The following SEMA3A variants were observed in gnomAD, a reference collection of about 807,000 sequenced individuals.
SEMA3A encodes semaphorin 3A.
A neutral mutation model predicts 97.9 loss-of-function variants in SEMA3A; 29 were observed. The ratio of observed to expected loss-of-function variants is 0.30; its 90% CI spans 0.22 to 0.40. The LOEUF is 0.40. Among genes scored for constraint, SEMA3A ranks in the 10% least tolerant of loss-of-function variants. SEMA3A has a pLI of 1.00. For synonymous variants in SEMA3A, 321 were observed against 323.7 expected (o/e 0.99, Z 0.09); for missense variants, 763 against 951.3 (o/e 0.80, Z 2.60).
chr7:84,233,787 A>G (rs1799170052), intron 3 of SEMA3A, among the ~76,000 whole-genome samples: 1 of 151,980 alleles, frequency 6.6e-6, no homozygotes, highest in Admixed American at 6.6e-5. Flanking sequence ...CCTTTACTGT[A>G]TTTACTGAGA....
At chr7:84,284,138 G>T (rs1031267685) in intron 3 of SEMA3A, among the ~76,000 whole-genome samples, 1 of 152,042 alleles carries the variant, frequency 6.6e-6, no homozygotes, top group Non-Finnish European at 1.5e-5. Context: ...GAAATGAGAT[G>T]ACTAATTTAT....
intron 1 of SEMA3A, among the ~76,000 whole-genome samples, chr7:84,173,756 T>C (rs984976087): frequency 2.6e-5 from 4 of 151,962 alleles, no homozygotes; most frequent in African/African-American, 9.7e-5. Context: ...CACAGATGGG[T>C]ACCAGCCCAT....
At chr7:84,179,994 G>GC (rs1173616867) in intron 1 of SEMA3A, among the ~76,000 whole-genome samples, 1 of 124,700 alleles carries the variant, frequency 8.0e-6, no homozygotes, top group East Asian at 2.2e-4. Flanking sequence ...ACTGAATTTC[G>GC]CTCTTGTTGT....
At chr7:84,194,285 T>C (rs1321489043) in intron 1 of SEMA3A, among the ~76,000 whole-genome samples, 190 bp downstream of exon 1, 3 of 152,114 alleles carry the variant, frequency 2.0e-5, no homozygotes, top group Non-Finnish European at 4.4e-5. Context: ...ATTTAAGTTG[T>C]CATATATCAA....
intron 3 of SEMA3A, among the ~76,000 whole-genome samples, chr7:84,243,899 T>C (rs1359311336): frequency 3.9e-5 from 6 of 152,276 alleles, no homozygotes; most frequent in Admixed American, 6.5e-5. Context: ...TTCCATGTAG[T>C]TGTGTGGTTT....
intron 3 of SEMA3A, among the ~76,000 whole-genome samples, chr7:84,221,531 A>T (rs1584140153): frequency 6.6e-6 from 1 of 152,230 alleles, no homozygotes; most frequent in East Asian, 1.9e-4. Context: ...ATAAAGTGAA[A>T]GAAGTGCAAC....
chr7:84,336,029 T>C (rs1412732979), intron 2 of SEMA3A, among the ~76,000 whole-genome samples: 1 of 152,124 alleles, frequency 6.6e-6, no homozygotes, highest in Non-Finnish European at 1.5e-5. Context: ...ATTTATAATA[T>C]TGGACAAGAC....
intron 1 of SEMA3A, among the ~76,000 whole-genome samples, chr7:84,182,604 A>G (rs1797765799): frequency 6.6e-6 from 1 of 151,888 alleles, no homozygotes; most frequent in Non-Finnish European, 1.5e-5. Flanking sequence ...TCATCCTCAC[A>G]TTAACTTCAT....
At chr7:84,406,111 C>T (rs1442629251) in intron 1 of SEMA3A, among the ~76,000 whole-genome samples, 1 of 152,068 alleles carries the variant, frequency 6.6e-6, no homozygotes, top group Non-Finnish European at 1.5e-5. Context: ...AATCCAGGAG[C>T]TGGTTTTTTG....
chr7:83,956,915 C>CT lies in SEMA3A; in HGVS notation c.*4455dup, dbSNP rs899540731. 3.5e-4 allele frequency: 52 copies of CT among 149,390 alleles called. No homozygotes were observed. The highest frequency in any genetic ancestry group is 3.4e-3 in the Middle Eastern group (1 of 290). The allele number at this position is 149,390 out of a possible 1,614,324, so 9.3% of individuals were successfully genotyped here. A position where few individuals can be genotyped will look rare whatever the true frequency, so the allele number is the denominator to read the frequency against. On this transcript the variant is annotated 3_prime_UTR_variant, in exon 17 of 17. Transcript: ENST00000265362. ...ATCTCTCTCCACAAGTTAATTCCTCCTTTTTTTTTTCTTTGATCCATACCG... is the reference window on the plus strand; with the variant it reads ...ATCTCTCTCCACAAGTTAATTCCTCCTTTTTTTTTTTCTTTGATCCATACCG...
chr7:84,487,850 A>T (rs925193318), intron 1 of SEMA3A, among the ~76,000 whole-genome samples: 10 of 152,158 alleles, frequency 6.6e-5, no homozygotes, highest in Admixed American at 6.6e-4. Context: ...GATCATATTT[A>T]AATATCTTTT....
intron 1 of SEMA3A, among the ~76,000 whole-genome samples, chr7:84,137,519 G>A (rs918370624): frequency 1.3e-5 from 2 of 151,734 alleles, no homozygotes; most frequent in African/African-American, 4.8e-5. Flanking sequence ...TCTGAGTTGT[G>A]TGAGGATGGA....
intron 3 of SEMA3A, among the ~76,000 whole-genome samples, chr7:84,274,284 C>T (rs955361093): frequency 6.6e-6 from 1 of 152,072 alleles, no homozygotes; most frequent in African/African-American, 2.4e-5. Context: ...GAAGTTGCTG[C>T]CTCCTGTTCT....
At chr7:84,336,654 G>A (rs1428072411) in intron 2 of SEMA3A, among the ~76,000 whole-genome samples, 1 of 152,116 alleles carries the variant, frequency 6.6e-6, no homozygotes, top group African/African-American at 2.4e-5. Context: ...CAGAATGCCA[G>A]GAATGCCTTG....
chr7:84,203,443 T>C (rs897581512), intron 3 of SEMA3A, among the ~76,000 whole-genome samples: 1 of 147,046 alleles, frequency 6.8e-6, no homozygotes, highest in African/African-American at 2.5e-5. Context: ...AATTAAAATA[T>C]TATGTTCAGA....
intron 1 of SEMA3A, among the ~76,000 whole-genome samples, chr7:84,467,818 C>T (rs900767807): frequency 6.6e-6 from 1 of 152,122 alleles, no homozygotes. Flanking sequence ...TTGTTCAAGA[C>T]AACTTTCTTA....
chr7:84,166,238 G>A (rs1342144706), intron 1 of SEMA3A, among the ~76,000 whole-genome samples: 2 of 150,968 alleles, frequency 1.3e-5, no homozygotes, highest in African/African-American at 4.9e-5. Flanking sequence ...TGATTGCACT[G>A]CTGCACTCCA....
chr7:84,114,780 T>C (rs911547702), intron 3 of SEMA3A, among the ~76,000 whole-genome samples: 3 of 152,142 alleles, frequency 2.0e-5, no homozygotes, highest in Non-Finnish European at 2.9e-5. Context: ...TCTTTTTTTT[T>C]CTTTTAACAT....
chr7:84,017,665 T>C (rs1406728344), intron 6 of SEMA3A, among the ~76,000 whole-genome samples: 1 of 152,182 alleles, frequency 6.6e-6, no homozygotes, highest in African/African-American at 2.4e-5. Flanking sequence ...AAATCTGCTT[T>C]TTGGCCAAAA....
Sources: gnomAD v4.1 joint callset for allele counts (sites outside exome capture counted in the v4.1 genomes callset) on GRCh38, gnomAD v4.1.1 for gene constraint, MANE v1.5 for transcripts, NCBI Gene and HGNC (gene_info 2026-07-23, HGNC 2026-07-21) for gene names.